GRXCR1: variants seen among roughly 807,000 people sequenced by gnomAD.
GRXCR1 encodes the protein glutaredoxin domain-containing cysteine-rich protein 1.
A neutral mutation model predicts 27.3 loss-of-function variants in GRXCR1; 27 were observed. The observed-to-expected ratio is 0.99, with a 90% confidence interval of 0.73 to 1.37. The LOEUF (loss-of-function observed/expected upper bound fraction) is 1.37. GRXCR1 is among the 40% of genes most tolerant of loss of function. The pLI is 0.00. For missense variants in GRXCR1, 379 were observed against 354.4 expected (o/e 1.07, Z -0.56); for synonymous variants, 122 against 131.1 (o/e 0.93, Z 0.47).
intron 1 of GRXCR1, 129 bp from the exon 2 acceptor site, chr4:42,962,763 T>C (rs1024192876): frequency 3.1e-6 from 3 of 965,302 alleles, no homozygotes; most frequent in African/African-American, 3.2e-5. Context: ...AAAAGGTAAG[T>C]CTTTGAATTG....
chr4:42,991,984 A>C (rs1217909340), intron 2 of GRXCR1, among the ~76,000 whole-genome samples: 1 of 152,174 alleles, frequency 6.6e-6, no homozygotes, highest in African/African-American at 2.4e-5. Context: ...TGGAACTTTC[A>C]GTCCTGGCTG....
At chr4:42,977,113 C>T (rs1353472227) in intron 2 of GRXCR1, among the ~76,000 whole-genome samples, 1 of 151,966 alleles carries the variant, frequency 6.6e-6, no homozygotes, top group African/African-American at 2.4e-5. Context: ...TAATGTTCTC[C>T]AGATTCATCC....
chr4:43,022,334 C>T (rs1172479490), intron 3 of GRXCR1, among the ~76,000 whole-genome samples: 1 of 152,066 alleles, frequency 6.6e-6, no homozygotes, highest in Non-Finnish European at 1.5e-5. Flanking sequence ...TTTAGCTATT[C>T]TGAACTTTTA....
chr4:42,950,262 G>T (rs1003355803), intron 1 of GRXCR1, among the ~76,000 whole-genome samples: 9 of 152,218 alleles, frequency 5.9e-5, no homozygotes, highest in African/African-American at 2.2e-4. Flanking sequence ...GTTCAATATT[G>T]TAGTCCCTTT....
chr4:42,936,567 A>G (rs955233356), intron 1 of GRXCR1, among the ~76,000 whole-genome samples: 1 of 151,918 alleles, frequency 6.6e-6, no homozygotes, highest in Non-Finnish European at 1.5e-5. Flanking sequence ...GTCACAGTTA[A>G]TGAACCAATA....
intron 2 of GRXCR1, among the ~76,000 whole-genome samples, chr4:43,014,679 C>A (rs1277882852): frequency 1.3e-5 from 2 of 152,164 alleles, no homozygotes; most frequent in Admixed American, 6.6e-5. Flanking sequence ...ACTGTCACAT[C>A]ACATCAGCTT....
At chr4:42,945,662 CAGTGAGTGCTACCAGGTGG>C (rs961109342) in intron 1 of GRXCR1, among the ~76,000 whole-genome samples, 3 of 152,234 alleles carry the variant, frequency 2.0e-5, no homozygotes, top group Non-Finnish European at 4.4e-5. Flanking sequence ...GGTAACTTTA[CAGTGAGTGCTACCAGGTGG>C]AGGGTAGATG....
At chr4:42,945,096 T>TTTGCCC (rs1229210122) in intron 1 of GRXCR1, among the ~76,000 whole-genome samples, 1 of 152,118 alleles carries the variant, frequency 6.6e-6, no homozygotes, top group African/African-American at 2.4e-5. Flanking sequence ...GGGGAGCTTG[T>TTTGCCC]TTGCCCCTTC....
chr4:42,994,900 A>G (rs1294378556), intron 2 of GRXCR1, among the ~76,000 whole-genome samples: 1 of 152,104 alleles, frequency 6.6e-6, no homozygotes, highest in Non-Finnish European at 1.5e-5. Flanking sequence ...AAGGTGAATG[A>G]TATTTTAAAC....
chr4:42,941,274 T>C (rs1747614587), intron 1 of GRXCR1, among the ~76,000 whole-genome samples: 2 of 152,064 alleles, frequency 1.3e-5, no homozygotes, highest in Admixed American at 1.3e-4. Flanking sequence ...TAGTTTCAAT[T>C]ACCATTACTT....
chr4:42,971,847 T>G (rs1748394865), intron 2 of GRXCR1, among the ~76,000 whole-genome samples: 1 of 152,092 alleles, frequency 6.6e-6, no homozygotes, highest in Non-Finnish European at 1.5e-5. Flanking sequence ...CTAAGAACCA[T>G]CTCCAAGGTA....
At chr4:43,020,288 T>G in intron 2 of GRXCR1, 66 bp from the exon 3 acceptor site, 1 of 1,037,166 alleles carries the variant, frequency 9.6e-7, no homozygotes. Flanking sequence ...GCTTTCCTTG[T>G]TAGAACTTTA....
At chr4:43,021,491 T>C (rs566170555) in intron 3 of GRXCR1, among the ~76,000 whole-genome samples, 80 of 150,690 alleles carry the variant, frequency 5.3e-4, no homozygotes, top group African/African-American at 1.9e-3. Context: ...TTATTCATAT[T>C]GTGACCTTTC....
chr4:42,991,825 A>T (rs74648426), intron 2 of GRXCR1, among the ~76,000 whole-genome samples: 2,110 of 152,244 alleles, frequency 0.014, 25 homozygotes, highest in Non-Finnish European at 0.021. Flanking sequence ...ATCAATTTTC[A>T]ATCCCTTGGA....
intron 1 of GRXCR1, among the ~76,000 whole-genome samples, chr4:42,931,628 T>C (rs1747307710): frequency 6.6e-6 from 1 of 151,960 alleles, no homozygotes; most frequent in South Asian, 2.1e-4. Flanking sequence ...ATATATTTAT[T>C]TTGTACAACA....
At chr4:42,983,584 T>C (rs536342569) in intron 2 of GRXCR1, among the ~76,000 whole-genome samples, 1 of 152,054 alleles carries the variant, frequency 6.6e-6, no homozygotes, top group African/African-American at 2.4e-5. Flanking sequence ...TTTTTCCAAT[T>C]CTGTGAAGAA....
intron 2 of GRXCR1, among the ~76,000 whole-genome samples, chr4:42,987,229 T>TTA (rs1349228105): frequency 1.1e-4 from 10 of 92,230 alleles, no homozygotes; most frequent in South Asian, 6.1e-4. Context: ...ATATTATATA[T>TTA]TATATATATA....
chr4:42,974,113 G>A (rs1748450894), intron 2 of GRXCR1, among the ~76,000 whole-genome samples: 2 of 152,088 alleles, frequency 1.3e-5, no homozygotes, highest in South Asian at 4.1e-4. Context: ...AATGATTGCA[G>A]GGTACCAAAT....
chr4:42,957,214 G>A (rs1452890765), intron 1 of GRXCR1, among the ~76,000 whole-genome samples: 2 of 152,114 alleles, frequency 1.3e-5, no homozygotes, highest in African/African-American at 2.4e-5. Context: ...AAGAAGAGAA[G>A]GTACCCACGC....
Sources: gnomAD v4.1 joint callset for allele counts (sites outside exome capture counted in the v4.1 genomes callset) on GRCh38, gnomAD v4.1.1 for gene constraint, MANE v1.5 for transcripts, NCBI Gene and HGNC (gene_info 2026-07-23, HGNC 2026-07-21) for gene names.